PWWP2A: variants seen among roughly 807,000 people sequenced by gnomAD.
The protein encoded by PWWP2A is PWWP domain containing 2A.
In PWWP2A, 18 loss-of-function variants were observed where a neutral mutation model predicts 48.5. That is an observed-to-expected ratio of 0.37 (90% CI 0.26 to 0.55). The LOEUF is 0.55. Among genes scored for constraint, PWWP2A ranks in the 20% least tolerant of loss-of-function variants. The probability of loss-of-function intolerance (pLI) is 0.81; values close to 1 mark genes in which losing one functional copy is unlikely to be tolerated. For missense variants in PWWP2A, 867 were observed against 976.4 expected, an observed-to-expected ratio of 0.89 and a Z score of 1.49; for synonymous variants, 396 against 387.7, an observed-to-expected ratio of 1.02 and a Z score of -0.25.
chr5:160,109,772 AAAATATAT>A lies in PWWP2A; in HGVS notation c.584+9025_584+9032del, dbSNP rs1307520946. Among the ~76,000 whole-genome samples, 77 of 27,846 alleles carry A rather than the reference AAAATATAT, an allele frequency of 2.8e-3. No individual in the cohort carries two copies. In the East Asian group the frequency reaches 0.039, roughly 14 times the overall value. The allele number at this position is 27,846 out of a possible 152,430, so 18.3% of individuals were successfully genotyped here. A position where few individuals can be genotyped will look rare whatever the true frequency, so the allele number is the denominator to read the frequency against. The stretch of plus-strand genomic sequence containing the variant: ...ATGCAACTGGGAAAAAAAAAAAAAA[AAAATATAT>A]ATATATATATATATATATATATATA... On this transcript the variant is annotated intron_variant, in intron 1 of 1. Transcript: ENST00000307063.
chr5:160,080,577 A>C, intron 3 of PWWP2A: 1 of 1,313,918 alleles, frequency 7.6e-7, no homozygotes. Flanking sequence ...AGTCTAGCCT[A>C]ATCTACTTCA....
At chr5:160,113,171 GA>G in intron 1 of PWWP2A, 1 of 916,428 alleles carries the variant, frequency 1.1e-6, no homozygotes, top group Non-Finnish European at 1.3e-6. Context: ...AAAAAAAAAA[GA>G]AAAAAAGCCC....
At chr5:160,096,668 C>T (rs1246852310) in intron 1 of PWWP2A, among the ~76,000 whole-genome samples, 1 of 152,186 alleles carries the variant, frequency 6.6e-6, no homozygotes, top group African/African-American at 2.4e-5. Context: ...CTCACTCTGT[C>T]ACTCAAGCTG....
At chr5:160,058,932 C>T (rs1757623794), downstream of PWWP2A, among the ~76,000 whole-genome samples, 1 of 152,146 alleles carries the variant, frequency 6.6e-6, no homozygotes. Context: ...TTAAAATGCT[C>T]AGTAAATTAT....
intron 1 of PWWP2A, among the ~76,000 whole-genome samples, chr5:160,117,656 CA>C (rs1288427863): frequency 0.028 from 2,944 of 103,774 alleles, 61 homozygotes; most frequent in African/African-American, 0.08. Flanking sequence ...GACTCCGTCT[CA>C]AAAAAAAAAA....
intron 2 of PWWP2A, among the ~76,000 whole-genome samples, chr5:160,082,889 A>G (rs889837539): frequency 3.3e-5 from 5 of 152,188 alleles, no homozygotes; most frequent in Non-Finnish European, 5.9e-5. Context: ...CAACAATGGC[A>G]ACTATTCTTG....
At chr5:160,055,031 G>A in the PWWP2A span, among the ~76,000 whole-genome samples, 4 of 152,124 alleles carry the variant, frequency 2.6e-5, no homozygotes, top group African/African-American at 9.7e-5. Flanking sequence ...TGCCTTCCTG[G>A]GGGTTGGTTC....
chr5:160,111,468 C>CT (rs1181389093), intron 1 of PWWP2A, among the ~76,000 whole-genome samples: 113 of 147,532 alleles, frequency 7.7e-4, no homozygotes, highest in Middle Eastern at 3.5e-3. Context: ...GCGCCTGGCA[C>CT]TTTTTTTTTT....
In PWWP2A at chr5:160,091,524, T is replaced by C. The variant is rs960587107; in HGVS notation, c.*858A>G. 2 of 983,074 alleles carry C rather than the reference T, an allele frequency of 2.0e-6. No individual in the cohort carries two copies. Among genetic ancestry groups the C allele is most frequent in the African/African-American group, 1.7e-5 (1 of 57,180 alleles). 60.9% of individuals were successfully genotyped at this position (983,074 alleles called of 1,614,324 possible). A position where few individuals can be genotyped will look rare whatever the true frequency, so the allele number is the denominator to read the frequency against. On this transcript the variant is annotated 3_prime_UTR_variant, in exon 2 of 2. Transcript: ENST00000307063. ...AATGCAACAATTACACATATGACAA[T>C]TAATTCACAAAGTATAATTTTACTG...
At chr5:160,114,626 G>C (rs1757916579) in intron 1 of PWWP2A, among the ~76,000 whole-genome samples, 1 of 151,764 alleles carries the variant, frequency 6.6e-6, no homozygotes, top group African/African-American at 2.4e-5. Flanking sequence ...TGCCCAGCGT[G>C]GTGGAGCATG....
chr5:160,080,907 C>T (rs1242385810), intron 2 of PWWP2A: 4 of 768,800 alleles, frequency 5.2e-6, no homozygotes, highest in African/African-American at 1.8e-5. Flanking sequence ...GGATAACTTG[C>T]TCGCTTCACA....
chr5:160,049,318 T>A, the PWWP2A span, among the ~76,000 whole-genome samples: 41 of 152,314 alleles, frequency 2.7e-4, no homozygotes, highest in African/African-American at 8.7e-4. Flanking sequence ...ACACAGATGG[T>A]CTGTCTGACC....
chr5:160,047,731 A>G, the PWWP2A span, among the ~76,000 whole-genome samples: 1 of 152,026 alleles, frequency 6.6e-6, no homozygotes, highest in Non-Finnish European at 1.5e-5. Flanking sequence ...GATAACTCAC[A>G]TGCCAGAGTT....
chr5:160,114,669 G>A (rs1252538205), intron 1 of PWWP2A, among the ~76,000 whole-genome samples: 27 of 150,272 alleles, frequency 1.8e-4, no homozygotes, highest in South Asian at 1.7e-3. Flanking sequence ...AGGCTGAGGC[G>A]GAACAATCAC....
the PWWP2A span, among the ~76,000 whole-genome samples, chr5:160,052,295 G>C: frequency 6.6e-6 from 1 of 152,072 alleles, no homozygotes; most frequent in Non-Finnish European, 1.5e-5. Flanking sequence ...CTTGAGCCCA[G>C]GAGTTCAAGG....
intron 2 of PWWP2A, among the ~76,000 whole-genome samples, chr5:160,069,221 G>A (rs933030675): frequency 1.3e-5 from 2 of 152,050 alleles, no homozygotes; most frequent in East Asian, 1.9e-4. Flanking sequence ...GGAGGTCGAG[G>A]CTGCAGTGAA....
At position 160,092,140 on chromosome 5, in the gene PWWP2A, G is replaced by C. The variant is rs1290268446; in HGVS notation, c.*242C>G. On this transcript the variant is annotated 3_prime_UTR_variant, in exon 2 of 2. Transcript: ENST00000307063. ...GGCTATGGCTCCTATGCCTTGGGATGGTTTCGAACTTCAAAACTGAAAAAT... is the reference window on the plus strand; with the variant it reads ...GGCTATGGCTCCTATGCCTTGGGATCGTTTCGAACTTCAAAACTGAAAAAT... 4.8e-6 allele frequency: 6 copies of C among 1,244,740 alleles called. No homozygotes were observed. The African/African-American group carries it at 7.6e-5, about 16-fold the overall frequency. 77.1% of individuals were successfully genotyped at this position (1,244,740 alleles called of 1,614,324 possible).
chr5:160,068,378 TC>T (rs1258518827), intron 2 of PWWP2A, among the ~76,000 whole-genome samples: 2 of 152,122 alleles, frequency 1.3e-5, no homozygotes, highest in African/African-American at 4.8e-5. Context: ...GGCAGGCAGA[TC>T]ACCTGAGGTC....
intron 1 of PWWP2A, among the ~76,000 whole-genome samples, chr5:160,101,821 A>AC (rs1159227584): frequency 6.6e-6 from 1 of 151,940 alleles, no homozygotes; most frequent in Non-Finnish European, 1.5e-5. Context: ...AAAAAAAAAA[A>AC]AATGCGTGGC....
Sources: gnomAD v4.1 joint callset for allele counts (sites outside exome capture counted in the v4.1 genomes callset) on GRCh38, gnomAD v4.1.1 for gene constraint, MANE v1.5 for transcripts, NCBI Gene and HGNC (gene_info 2026-07-23, HGNC 2026-07-21) for gene names.